The following BCL7B variants were observed in gnomAD, a reference collection of about 807,000 sequenced individuals.
BCL7B encodes B-cell CLL/lymphoma 7 protein family member B.
Under a neutral mutation model 26.5 loss-of-function variants are expected in BCL7B, and 11 were observed. The observed-to-expected ratio is 0.42, with a 90% CI of 0.26 to 0.69. BCL7B has a LOEUF of 0.69. BCL7B is among the 30% of genes least tolerant of loss of function. The probability of loss-of-function intolerance (pLI) is 0.28; values close to 1 mark genes in which losing one functional copy is unlikely to be tolerated. For synonymous variants in BCL7B, 111 were observed against 107.9 expected (o/e 1.03, Z -0.18); for missense variants, 215 against 264.4 (o/e 0.81, Z 1.30).
At chr7:73,540,107 G>A in intron 3 of BCL7B, 55 bp from the exon 4 acceptor site, 1 of 1,569,996 alleles carries the variant, frequency 6.4e-7, no homozygotes, top group South Asian at 1.2e-5. Flanking sequence ...TTCCTCAAGA[G>A]GAACTCTGGA....
Position 73,539,920 on chromosome 7 carries a change from T to G in BCL7B, c.398A>C (p.Asp133Ala), listed in dbSNP as rs1554582618. ...PAHTSDFRTD[D>A]SQPPTLGQEI... ...CTGGCCCAGCGTTGGGGGCTGGGAG[T>G]CATCCGTGCGGAAGTCGGAGGTGTG... The change falls in exon 4 of 6, where the codon GAC (aspartate) becomes GCC (alanine). Residue 133 changes from aspartate to alanine, a missense_variant. Asp to Ala is a moderately radical substitution (Grantham distance 126, BLOSUM62 -2). Transcript: ENST00000223368. 1.2e-6 allele frequency: 2 copies of G among 1,613,686 alleles called. No individual in the cohort carries two copies. Among genetic ancestry groups the G allele is most frequent in the Non-Finnish European group, 1.7e-6 (2 of 1,179,982 alleles).
intron 1 of BCL7B, among the ~76,000 whole-genome samples, chr7:73,552,559 G>A (rs1554584283): frequency 2.6e-5 from 4 of 151,882 alleles, no homozygotes; most frequent in African/African-American, 2.4e-5. Context: ...TGGGCAGATC[G>A]CTTGAGGTCA....
chr7:73,543,422 C>T (rs1312287297), intron 3 of BCL7B, 126 bp downstream of exon 3: 2 of 813,234 alleles, frequency 2.5e-6, no homozygotes, highest in Non-Finnish European at 4.1e-6. Flanking sequence ...AGGTGATCTG[C>T]CCGCCTCAGA....
Position 73,537,402 on chromosome 7 carries a change from C to T in BCL7B, c.517-12G>A. 1 of 1,612,080 alleles carries T rather than the reference C, an allele frequency of 6.2e-7. No homozygotes were observed. Among genetic ancestry groups the T allele is most frequent in the Non-Finnish European group, 8.5e-7 (1 of 1,178,458 alleles). On this transcript the variant is annotated splice_polypyrimidine_tract_variant and intron_variant, in intron 5 of 5. Coordinates refer to ENST00000223368, the MANE Select transcript of BCL7B (RefSeq NM_001707.4). Reference sequence around the variant, plus strand: ...TCTTCCTCAACGACCTAGGAGCAGGCAGAGCATGGAATGCCAGGGCCACCC... The same window carrying T: ...TCTTCCTCAACGACCTAGGAGCAGGTAGAGCATGGAATGCCAGGGCCACCC...
intron 1 of BCL7B, among the ~76,000 whole-genome samples, chr7:73,556,427 C>T (rs1792362162): frequency 6.6e-6 from 1 of 152,198 alleles, no homozygotes; most frequent in Non-Finnish European, 1.5e-5. Flanking sequence ...CCGCCCACCT[C>T]AGCCTCCCAA....
chr7:73,538,815 T>TAAA (rs1159395373), intron 4 of BCL7B, among the ~76,000 whole-genome samples: 13 of 94,562 alleles, frequency 1.4e-4, no homozygotes, highest in African/African-American at 3.8e-4. Context: ...CCTATCTCTT[T>TAAA]AAAAAAAAAA....
At chr7:73,541,814 T>C (rs1237352185) in intron 3 of BCL7B, among the ~76,000 whole-genome samples, 7 of 152,144 alleles carry the variant, frequency 4.6e-5, no homozygotes, top group Admixed American at 1.3e-4. Context: ...TATCGCAACA[T>C]AGGAAGTCCT....
At chr7:73,550,070 T>C (rs1792100409) in intron 2 of BCL7B, among the ~76,000 whole-genome samples, 1 of 152,182 alleles carries the variant, frequency 6.6e-6, no homozygotes, top group Non-Finnish European at 1.5e-5. Context: ...TATATACTTC[T>C]CTGTATGTGT....
rs561013104 is a variant in BCL7B at position 73,548,954 on chromosome 7, A to C, written c.168+3213T>G. On this transcript the variant is annotated intron_variant, in intron 2 of 5. Coordinates refer to ENST00000223368, the MANE Select transcript of BCL7B (RefSeq NM_001707.4). ...TCAAAAAAACAAACAAACAAACAAA[A>C]AAAACTCCAAAAAACAAAACTCCTG... 4.6e-5 allele frequency among the ~76,000 whole-genome samples: 7 copies of C among 152,268 alleles called. No homozygotes were observed. In the East Asian group the frequency reaches 9.6e-4, roughly 21 times the overall value.
chr7:73,536,886 G>A lies in BCL7B; in HGVS notation c.*412C>T, dbSNP rs188982745. 355 of 161,028 alleles carry A rather than the reference G, an allele frequency of 2.2e-3. 1 individual carries two copies. Among genetic ancestry groups the A allele is most frequent in the Non-Finnish European group, 3.3e-3 (242 of 73,166 alleles). 10.0% of individuals were successfully genotyped at this position (161,028 alleles called of 1,614,324 possible). On this transcript the variant is annotated 3_prime_UTR_variant, in exon 6 of 6. Coordinates refer to ENST00000223368, the MANE Select transcript of BCL7B (RefSeq NM_001707.4). ...CCCCCAGTCCTAGGGGAAAGTCCGG[G>A]AGTCTACAGTCTCCGTTCAAGTTCA...
intron 5 of BCL7B, among the ~76,000 whole-genome samples, chr7:73,537,605 T>C (rs1208864870): frequency 6.6e-6 from 1 of 152,072 alleles, no homozygotes; most frequent in Non-Finnish European, 1.5e-5. Context: ...CTGGGAAGCC[T>C]GGCCGGGCAC....
intron 3 of BCL7B, 81 bp from the exon 4 acceptor site, chr7:73,540,133 G>C (rs1791701300): frequency 6.8e-7 from 1 of 1,474,240 alleles, no homozygotes; most frequent in Middle Eastern, 1.7e-4. Flanking sequence ...CCAAGGGCCT[G>C]GCATCACTTT....
At chr7:73,552,509 C>T (rs1792212177) in intron 1 of BCL7B, among the ~76,000 whole-genome samples, 3 of 151,556 alleles carry the variant, frequency 2.0e-5, no homozygotes, top group South Asian at 4.2e-4. Context: ...CCAGGCGCAG[C>T]GGCTCACGCC....
chr7:73,543,803 C>A, intron 2 of BCL7B, 159 bp from the exon 3 acceptor site: 2 of 582,340 alleles, frequency 3.4e-6, no homozygotes, highest in Non-Finnish European at 6.0e-6. Context: ...GAACAGAATC[C>A]TGGACAAGCA....
rs1184269254 is a variant in BCL7B, at chr7:73,537,184, CAT to C, written c.*112_*113del. 3.4e-5 allele frequency: 32 copies of C among 950,072 alleles called. No homozygotes were observed. The highest frequency in any genetic ancestry group is 4.5e-5 in the South Asian group (3 of 66,310). The allele number at this position is 950,072 out of a possible 1,614,324, so 58.9% of individuals were successfully genotyped here. On this transcript the variant is annotated 3_prime_UTR_variant, in exon 6 of 6. Transcript: ENST00000223368. Reference sequence around the variant, plus strand: ...CGCCAGCCTTCCAGCCCGGAAGGCTCATGTGTGCAGGCTCTTGACCCCAGTGC... The same window carrying C: ...CGCCAGCCTTCCAGCCCGGAAGGCTCGTGTGCAGGCTCTTGACCCCAGTGC...
intron 2 of BCL7B, among the ~76,000 whole-genome samples, chr7:73,544,069 A>T (rs1022670409): frequency 6.6e-6 from 1 of 152,166 alleles, no homozygotes; most frequent in Non-Finnish European, 1.5e-5. Context: ...ACAGACAGTG[A>T]CAGGACAAAT....
At chr7:73,554,605 C>T (rs1005653218) in intron 1 of BCL7B, among the ~76,000 whole-genome samples, 3 of 151,714 alleles carry the variant, frequency 2.0e-5, no homozygotes, top group Non-Finnish European at 4.4e-5. Flanking sequence ...CGAGACCAGC[C>T]TGGGCAATAT....
intron 1 of BCL7B, chr7:73,557,165 G>A: frequency 3.0e-6 from 3 of 1,016,576 alleles, no homozygotes; most frequent in South Asian, 4.6e-5. Flanking sequence ...GAAGAGGGGA[G>A]GGCGGGCCCC....
intron 4 of BCL7B, among the ~76,000 whole-genome samples, chr7:73,538,410 T>C (rs531084362): frequency 5.9e-5 from 9 of 152,266 alleles, no homozygotes; most frequent in African/African-American, 1.9e-4. Context: ...TTAACTACAA[T>C]TGGCATTTCC....
Sources: allele counts gnomAD v4.1 joint callset (sites outside exome capture counted in the v4.1 genomes callset), GRCh38; gene constraint gnomAD v4.1.1; transcripts MANE v1.5; gene names NCBI Gene and HGNC (gene_info 2026-07-23, HGNC 2026-07-21).